RGS7: variants seen among roughly 807,000 people sequenced by gnomAD.
RGS7 encodes regulator of G-protein signaling 7.
In RGS7, 27 loss-of-function variants were observed where a neutral mutation model predicts 81.1. That is an observed-to-expected ratio of 0.33 (90% CI 0.25 to 0.46). RGS7 has a LOEUF of 0.46. Among genes scored for constraint, RGS7 ranks in the 20% least tolerant of loss-of-function variants. The pLI, the probability that RGS7 is intolerant of heterozygous loss-of-function variation, is 1.00. For missense variants in RGS7, 396 were observed against 607.4 expected (o/e 0.65, Z 3.66); for synonymous variants, 208 against 207.7 (o/e 1.00, Z -0.01).
chr1:241,248,632 C>T (rs756028527), intron 2 of RGS7, among the ~76,000 whole-genome samples: 11 of 151,728 alleles, frequency 7.2e-5, no homozygotes, highest in Non-Finnish European at 1.5e-4. Context: ...CTTCTATCTC[C>T]TCCACTGCAT....
chr1:240,925,450 C>T (rs1572794801), intron 6 of RGS7, among the ~76,000 whole-genome samples: 1 of 152,164 alleles, frequency 6.6e-6, no homozygotes, highest in African/African-American at 2.4e-5. Flanking sequence ...CTGCAAAGGA[C>T]ATACTTTTAT....
intron 18 of RGS7, among the ~76,000 whole-genome samples, chr1:240,793,074 A>G (rs1399232724): frequency 1.3e-5 from 2 of 152,230 alleles, no homozygotes; most frequent in East Asian, 3.9e-4. Flanking sequence ...TGCTGTAGAA[A>G]CTTCTGCCCC....
Position 240,933,033 on chromosome 1 carries a change from G to GC in RGS7, c.334-2266dup, listed in dbSNP as rs774633578. On this transcript the variant is annotated intron_variant, in intron 5 of 18. Transcript: ENST00000440928. ...CGAGTAGCTGGGACTACAGGCGCCC[G>GC]CACCACGCCCGGCTAATTTTTTGTA... Among the ~76,000 whole-genome samples, 369 of 147,290 alleles carry GC rather than the reference G, an allele frequency of 2.5e-3. 4 individuals are homozygous for GC. Among genetic ancestry groups the GC allele is most frequent in the Middle Eastern group, 0.011 (3 of 276 alleles).
intron 2 of RGS7, among the ~76,000 whole-genome samples, chr1:241,343,923 T>C (rs1298178229): frequency 6.6e-6 from 1 of 152,150 alleles, no homozygotes; most frequent in Admixed American, 6.5e-5. Context: ...TGTGTAAATA[T>C]GAAAAGAAAT....
intron 2 of RGS7, among the ~76,000 whole-genome samples, chr1:241,205,831 C>G (rs1395566277): frequency 6.6e-6 from 1 of 151,954 alleles, no homozygotes; most frequent in Admixed American, 6.6e-5. Context: ...CTAATAAGGT[C>G]CCAGGTAATG....
chr1:240,777,402 T>C (rs192032173), intron 18 of RGS7, among the ~76,000 whole-genome samples: 29 of 152,350 alleles, frequency 1.9e-4, no homozygotes, highest in African/African-American at 7.0e-4. Flanking sequence ...TAATGAATTT[T>C]TGTACATCTC....
chr1:241,327,146 G>GGAAAGAAA (rs60341909), intron 2 of RGS7, among the ~76,000 whole-genome samples: 3 of 92,248 alleles, frequency 3.3e-5, no homozygotes, highest in African/African-American at 1.1e-4. Context: ...AAGAAAGAAA[G>GGAAAGAAA]GAAAGAAAGA....
intron 3 of RGS7, among the ~76,000 whole-genome samples, chr1:241,070,752 ACAACAGCC>A (rs147069913): frequency 0.044 from 6,440 of 145,876 alleles, 180 homozygotes; most frequent in East Asian, 0.15. Flanking sequence ...ACATAAAAAT[ACAACAGCC>A]CAACAGAAGG....
chr1:240,817,858 C>T (rs907046283), intron 10 of RGS7, among the ~76,000 whole-genome samples: 2 of 152,210 alleles, frequency 1.3e-5, no homozygotes, highest in African/African-American at 4.8e-5. Flanking sequence ...CCGCCTTGGC[C>T]TCCCAAAATG....
chr1:241,227,748 A>ACAGCAACG (rs1378485647), intron 2 of RGS7, among the ~76,000 whole-genome samples: 1 of 151,968 alleles, frequency 6.6e-6, no homozygotes, highest in East Asian at 1.9e-4. Flanking sequence ...ACCTTGTGTC[A>ACAGCAACG]CCTCCAGAAA....
At position 240,800,663 on chromosome 1, in the gene RGS7, C is replaced by G; in HGVS notation, c.1472G>C (p.Ser491Thr). The part of the protein sequence containing the change: ...HKNCTPTLRA[S>T]TNLL ...TACCTCTTTTCATAACAGGTTAGTG[C>G]TGGCCCTCAGTGTTGGTGTACAGTT... Residue 491 changes from serine (S) to threonine (T), a missense_variant, in exon 18 of 19, where the codon AGC (serine) becomes ACC (threonine). Coordinates refer to ENST00000440928, the MANE Select transcript of RGS7 (RefSeq NM_001364886.1). 1 of 1,546,696 alleles carries G rather than the reference C, an allele frequency of 6.5e-7. No individual in the cohort carries two copies. Among genetic ancestry groups the G allele is most frequent in the Non-Finnish European group, 8.7e-7 (1 of 1,144,016 alleles).
intron 2 of RGS7, among the ~76,000 whole-genome samples, chr1:241,215,064 G>A (rs2074467520): frequency 6.6e-6 from 1 of 152,060 alleles, no homozygotes; most frequent in South Asian, 2.1e-4. Context: ...TTTTTAGAGT[G>A]CCCTGGTCAA....
chr1:241,212,573 G>A (rs2074307135), intron 2 of RGS7, among the ~76,000 whole-genome samples: 1 of 152,180 alleles, frequency 6.6e-6, no homozygotes, highest in East Asian at 1.9e-4. Flanking sequence ...GAAGCTCCTA[G>A]CTGTCTGCAC....
chr1:241,276,549 TC>T (rs1300070036), intron 2 of RGS7, among the ~76,000 whole-genome samples: 3 of 152,212 alleles, frequency 2.0e-5, no homozygotes, highest in Non-Finnish European at 4.4e-5. Flanking sequence ...ACGATGACAA[TC>T]TGCTACGATT....
At chr1:241,295,847 G>A (rs1445517740) in intron 2 of RGS7, among the ~76,000 whole-genome samples, 1 of 152,200 alleles carries the variant, frequency 6.6e-6, no homozygotes, top group African/African-American at 2.4e-5. Context: ...AGAGGACATG[G>A]TAGATGTGAG....
intron 2 of RGS7, among the ~76,000 whole-genome samples, chr1:241,296,318 A>C (rs540882188): frequency 2.9e-4 from 44 of 152,324 alleles, no homozygotes; most frequent in Non-Finnish European, 5.0e-4. Context: ...TGCATATTTC[A>C]ACACTGCAGA....
chr1:241,260,168 T>C (rs1211272380), intron 2 of RGS7, among the ~76,000 whole-genome samples: 1 of 152,210 alleles, frequency 6.6e-6, no homozygotes, highest in Non-Finnish European at 1.5e-5. Context: ...CTCACTCTTC[T>C]TTGAGCTCCT....
chr1:240,976,845 T>G (rs1302281783), intron 4 of RGS7, among the ~76,000 whole-genome samples: 2 of 114,640 alleles, frequency 1.7e-5, no homozygotes, highest in African/African-American at 2.9e-5. Flanking sequence ...CATTTATCTA[T>G]CATCTATCTA....
chr1:241,233,919 C>T (rs997394033), intron 2 of RGS7, among the ~76,000 whole-genome samples: 1 of 151,934 alleles, frequency 6.6e-6, no homozygotes, highest in African/African-American at 2.4e-5. Flanking sequence ...CACCATCTGT[C>T]ATTCCCTATC....
Sources: allele counts gnomAD v4.1 joint callset (sites outside exome capture counted in the v4.1 genomes callset), GRCh38; gene constraint gnomAD v4.1.1; transcripts MANE v1.5; gene names NCBI Gene and HGNC (gene_info 2026-07-23, HGNC 2026-07-21).